The following DMTF1 variants were observed in gnomAD, a reference collection of about 807,000 sequenced individuals.
DMTF1 encodes the protein cyclin D binding myb like transcription factor 1.
Under a neutral mutation model 91.1 loss-of-function variants are expected in DMTF1, and 39 were observed. The ratio of observed to expected loss-of-function variants is 0.43; its 90% CI spans 0.33 to 0.56. DMTF1 has a LOEUF of 0.56. DMTF1 is among the 20% of genes least tolerant of loss of function. The pLI is 0.05. For synonymous variants in DMTF1, 338 were observed against 309.5 expected (o/e 1.09, Z -0.97); for missense variants, 750 against 914.5 (o/e 0.82, Z 2.32).
chr7:87,159,688 G>A (rs1364716273), intron 1 of DMTF1, among the ~76,000 whole-genome samples: 1 of 152,182 alleles, frequency 6.6e-6, no homozygotes, highest in African/African-American at 2.4e-5. Flanking sequence ...GGAAAATTGA[G>A]CTGATGTGCA....
chr7:87,171,921 T>C (rs577786849), intron 5 of DMTF1, among the ~76,000 whole-genome samples: 28 of 152,308 alleles, frequency 1.8e-4, no homozygotes, highest in African/African-American at 6.3e-4. Flanking sequence ...TGAGGGAAAA[T>C]TTGAGCCCTA....
chr7:87,194,284 G>A (rs1326260379), intron 16 of DMTF1, 182 bp downstream of exon 16: 3 of 625,290 alleles, frequency 4.8e-6, no homozygotes, highest in Non-Finnish European at 7.9e-6. Context: ...GGAAGAATAA[G>A]AAAACCATGT....
intron 16 of DMTF1, 173 bp from the exon 17 acceptor site, chr7:87,194,511 A>G (rs571599577): frequency 3.3e-4 from 165 of 505,754 alleles, no homozygotes; most frequent in African/African-American, 2.9e-3. Context: ...TTTTGTTAAA[A>G]GTATGTTAGA....
chr7:87,156,879 CAT>C (rs1187326147), intron 1 of DMTF1, among the ~76,000 whole-genome samples: 1 of 152,016 alleles, frequency 6.6e-6, no homozygotes, highest in Non-Finnish European at 1.5e-5. Context: ...TTTATAATAA[CAT>C]AGCTACAAAA....
intron 15 of DMTF1, 77 bp downstream of exon 15, chr7:87,193,430 TAGTTATCTAAAC>T: frequency 6.9e-7 from 1 of 1,458,984 alleles, no homozygotes; most frequent in South Asian, 1.2e-5. Context: ...AAATAGAAGG[TAGTTATCTAAAC>T]AGTTCTTCCT....
chr7:87,162,292 A>G (rs1037749986), intron 1 of DMTF1, among the ~76,000 whole-genome samples: 3 of 151,962 alleles, frequency 2.0e-5, no homozygotes, highest in Admixed American at 6.6e-5. Context: ...GCTGGTCTCA[A>G]ACTCCTGAGG....
chr7:87,178,665 A>T (rs1222110358), intron 7 of DMTF1, among the ~76,000 whole-genome samples: 1 of 152,008 alleles, frequency 6.6e-6, no homozygotes, highest in African/African-American at 2.4e-5. Context: ...TAGGATAGCT[A>T]TGTTAGTGAA....
At chr7:87,180,504 G>C (rs937246210) in intron 8 of DMTF1, among the ~76,000 whole-genome samples, 2 of 152,222 alleles carry the variant, frequency 1.3e-5, no homozygotes, top group Non-Finnish European at 2.9e-5. Context: ...TACATAGGCT[G>C]TATTGAGTAC....
chr7:87,153,217 T>C (rs1481263123), intron 1 of DMTF1, among the ~76,000 whole-genome samples: 1 of 151,212 alleles, frequency 6.6e-6, no homozygotes, highest in East Asian at 1.9e-4. Flanking sequence ...GGCCGAACCG[T>C]CTCTCTCAGT....
At position 87,182,342 on chromosome 7, in the gene DMTF1, T is replaced by C. The variant is rs771957090; in HGVS notation, c.820+5T>C. On this transcript the variant is annotated splice_donor_5th_base_variant and intron_variant, in intron 10 of 17. Coordinates refer to ENST00000331242, the MANE Select transcript of DMTF1 (RefSeq NM_001142327.2). ...TGAAGGATACTTGCAACACAGGTACTGTGACTACTACTGGTAGCGTTTTCT... is the reference window on the plus strand; with the variant it reads ...TGAAGGATACTTGCAACACAGGTACCGTGACTACTACTGGTAGCGTTTTCT... 1.2e-6 allele frequency: 2 copies of C among 1,613,938 alleles called. No homozygotes were observed. Among genetic ancestry groups the C allele is most frequent in the Non-Finnish European group, 1.7e-6 (2 of 1,179,884 alleles).
At chr7:87,152,823 G>A (rs113458968) in intron 1 of DMTF1, 5,720 of 155,310 alleles carry the variant, frequency 0.037, 129 homozygotes, top group East Asian at 0.065. Context: ...GAGGCACAGC[G>A]GCGATCCGGC....
intron 9 of DMTF1, chr7:87,181,927 G>A (rs1797466290): frequency 1.9e-6 from 2 of 1,031,062 alleles, no homozygotes; most frequent in East Asian, 7.1e-5. Context: ...GAAAGTCTGG[G>A]GCTTGCCTGG....
chr7:87,195,334 CAGT>C lies in DMTF1; in HGVS notation c.*196_*198del. 2.0e-6 allele frequency: 1 copy of C among 500,632 alleles called. No individual in the cohort carries two copies. The highest frequency in any genetic ancestry group is 3.2e-5 in the East Asian group (1 of 30,870). The allele number at this position is 500,632 out of a possible 1,614,324, so 31.0% of individuals were successfully genotyped here. A position where few individuals can be genotyped will look rare whatever the true frequency, so the allele number is the denominator to read the frequency against. On this transcript the variant is annotated 3_prime_UTR_variant, in exon 18 of 18. Coordinates refer to ENST00000331242, the MANE Select transcript of DMTF1 (RefSeq NM_001142327.2). The stretch of plus-strand genomic sequence containing the variant: ...CATCATCTGAGGTTGAGTTTTATGA[CAGT>C]ATGTAGTTGAGTGGAGGCTGGGAGT...
chr7:87,173,327 T>C (rs570413881), intron 5 of DMTF1, among the ~76,000 whole-genome samples: 1 of 152,182 alleles, frequency 6.6e-6, no homozygotes. Flanking sequence ...TAATTTTGTT[T>C]TCATACTGCC....
At chr7:87,190,872 C>T (rs1247596432) in intron 13 of DMTF1, 73 bp from the exon 14 acceptor site, 1 of 1,293,424 alleles carries the variant, frequency 7.7e-7, no homozygotes, top group African/African-American at 1.5e-5. Flanking sequence ...ATTGAGTACA[C>T]TAGAGAAACT....
intron 1 of DMTF1, among the ~76,000 whole-genome samples, chr7:87,161,483 CAG>C (rs1314230748): frequency 6.6e-6 from 1 of 152,146 alleles, no homozygotes; most frequent in Non-Finnish European, 1.5e-5. Context: ...GCCTGGGCAA[CAG>C]AGTGAGACTC....
At chr7:87,186,090 T>G in intron 12 of DMTF1, 110 bp downstream of exon 12, 1 of 1,159,934 alleles carries the variant, frequency 8.6e-7, no homozygotes, top group South Asian at 1.4e-5. Flanking sequence ...ATAGCAGATT[T>G]CTACTTACAC....
chr7:87,172,548 CTT>C (rs1214068577), intron 5 of DMTF1, among the ~76,000 whole-genome samples: 3 of 152,194 alleles, frequency 2.0e-5, no homozygotes, highest in Non-Finnish European at 2.9e-5. Context: ...TTCAATTTCT[CTT>C]TATATTAGAA....
At position 87,195,556 on chromosome 7, in the gene DMTF1, A is replaced by G. The variant is rs112653404; in HGVS notation, c.*416A>G. ...ATGAGTCTTTTCAACATGGTCTTCA[A>G]CATGGTCTAGAGCTTACCAGTGATC... On this transcript the variant is annotated 3_prime_UTR_variant, in exon 18 of 18. Transcript: ENST00000331242. 1,744 of 162,030 alleles carry G rather than the reference A, an allele frequency of 0.011. 33 individuals are homozygous for G. Among genetic ancestry groups the G allele is most frequent in the African/African-American group, 0.04 (1,643 of 41,396 alleles). 10.0% of individuals were successfully genotyped at this position (162,030 alleles called of 1,614,324 possible).
Sources: allele counts gnomAD v4.1 joint callset (sites outside exome capture counted in the v4.1 genomes callset), GRCh38; gene constraint gnomAD v4.1.1; transcripts MANE v1.5; gene names NCBI Gene and HGNC (gene_info 2026-07-23, HGNC 2026-07-21).